NRG1: variants seen among roughly 807,000 people sequenced by gnomAD.
The protein encoded by NRG1 is neuregulin 1.
A neutral mutation model predicts 63.8 loss-of-function variants in NRG1; 18 were observed. The observed-to-expected ratio is 0.28, with a 90% CI of 0.19 to 0.42. NRG1 has a LOEUF of 0.42. Ranked by LOEUF, NRG1 falls within the 10% of genes least tolerant of loss-of-function variation. NRG1 has a pLI of 1.00. For synonymous variants in NRG1, 302 were observed against 301.3 expected (o/e 1.00, Z -0.02); for missense variants, 762 against 814.7 (o/e 0.94, Z 0.79).
chr8:31,738,806 C>T (rs1480229417), intron 1 of NRG1, among the ~76,000 whole-genome samples: 7 of 151,950 alleles, frequency 4.6e-5, no homozygotes, highest in Non-Finnish European at 4.4e-5. Context: ...ATGGTGTCTC[C>T]CTGTATGTCT....
chr8:32,307,071 G>T (rs146360485), intron 1 of NRG1, among the ~76,000 whole-genome samples: 1 of 152,116 alleles, frequency 6.6e-6, no homozygotes, highest in African/African-American at 2.4e-5. Context: ...ACTTCCCAGC[G>T]CACATTTTTG....
chr8:31,860,526 T>G (rs1222085405), intron 1 of NRG1, among the ~76,000 whole-genome samples: 3 of 152,150 alleles, frequency 2.0e-5, no homozygotes, highest in African/African-American at 7.2e-5. Flanking sequence ...CCCATTATTT[T>G]TTTGCATGAA....
downstream of NRG1, among the ~76,000 whole-genome samples, chr8:32,770,437 C>G (rs1589678707): frequency 6.6e-6 from 1 of 152,118 alleles, no homozygotes; most frequent in South Asian, 2.1e-4. Context: ...GCGTTCTTCC[C>G]CTTTCCCTGC....
intron 1 of NRG1, among the ~76,000 whole-genome samples, chr8:32,101,029 T>C (rs1310724446): frequency 1.7e-4 from 5 of 29,170 alleles, no homozygotes; most frequent in Non-Finnish European, 7.5e-4. Context: ...TATTCCCATA[T>C]TGCTTTTTTT....
intron 1 of NRG1, among the ~76,000 whole-genome samples, chr8:31,850,042 C>T (rs1402007561): frequency 6.6e-6 from 1 of 152,022 alleles, no homozygotes; most frequent in African/African-American, 2.4e-5. Flanking sequence ...CCAAATGTTA[C>T]CCTCATAACA....
chr8:32,466,642 C>G (rs16879439), intron 1 of NRG1, among the ~76,000 whole-genome samples: 1,851 of 152,224 alleles, frequency 0.012, 38 homozygotes, highest in African/African-American at 0.042. Flanking sequence ...AGTTATTAGT[C>G]CTCATATCAG....
At chr8:31,954,795 C>T (rs1226146466) in intron 1 of NRG1, among the ~76,000 whole-genome samples, 10 of 152,098 alleles carry the variant, frequency 6.6e-5, no homozygotes, top group Non-Finnish European at 1.2e-4. Context: ...GACAAGATAG[C>T]GATTTCCCCT....
At chr8:31,648,295 G>A (rs908008530) in intron 1 of NRG1, among the ~76,000 whole-genome samples, 9 of 151,518 alleles carry the variant, frequency 5.9e-5, no homozygotes, top group Non-Finnish European at 1.2e-4. Context: ...CACCATGCCC[G>A]GCTAATTTTT....
rs114636961 is a variant in NRG1, at chr8:32,095,254, A to G, written c.37+455823A>G. 4.5e-3 allele frequency among the ~76,000 whole-genome samples: 690 copies of G among 152,256 alleles called. 12 individuals carry two copies. The highest frequency in any genetic ancestry group is 0.016 in the African/African-American group (655 of 41,554). ...GTCAGTTATGGGTTCATTGTTTTCA[A>G]TATAAGATAACATGAGCAGAGACTG... On this transcript the variant is annotated intron_variant, in intron 1 of 10. Coordinates refer to the NRG1 transcript ENST00000519301.
chr8:32,316,142 G>A (rs1780686350), intron 1 of NRG1, among the ~76,000 whole-genome samples: 2 of 151,912 alleles, frequency 1.3e-5, no homozygotes, highest in African/African-American at 4.8e-5. Context: ...CAACATTCAT[G>A]TATCTAGAAA....
chr8:32,418,133 T>G (rs962940398), intron 1 of NRG1, among the ~76,000 whole-genome samples: 14 of 152,120 alleles, frequency 9.2e-5, no homozygotes, highest in Non-Finnish European at 2.9e-5. Flanking sequence ...CGATATTTAC[T>G]TATAATTCTC....
Position 32,638,992 on chromosome 8 carries a change from C to T in NRG1, c.502+22107C>T, listed in dbSNP as rs188327279. Among the ~76,000 whole-genome samples, 1,176 of 150,992 alleles carry T rather than the reference C, an allele frequency of 7.8e-3. 6 individuals are homozygous for T. The highest frequency in any genetic ancestry group is 0.024 in the Middle Eastern group (7 of 294). On this transcript the variant is annotated intron_variant, in intron 5 of 11. Transcript: ENST00000356819. ...TTTTATTTCTTCTTTTTTTTTTGTT[C>T]CCTTTGGTGCAACTTTGTATTTTCA...
intron 1 of NRG1, among the ~76,000 whole-genome samples, chr8:31,778,831 A>C (rs144785393): frequency 1.3e-5 from 2 of 152,354 alleles, no homozygotes; most frequent in East Asian, 3.9e-4. Flanking sequence ...AAAACAGTGC[A>C]TGTGCAGGAG....
intron 1 of NRG1, among the ~76,000 whole-genome samples, chr8:32,215,730 C>T (rs1845152461): frequency 6.6e-6 from 1 of 152,114 alleles, no homozygotes; most frequent in Non-Finnish European, 1.5e-5. Flanking sequence ...ATAACCATTT[C>T]CTGGAAGCAC....
chr8:31,916,447 A>G (rs1324513133), intron 1 of NRG1, among the ~76,000 whole-genome samples: 3 of 152,090 alleles, frequency 2.0e-5, no homozygotes, highest in Admixed American at 1.3e-4. Context: ...GAGTGAGAAT[A>G]TGCGGTGTTT....
intron 1 of NRG1, among the ~76,000 whole-genome samples, chr8:31,952,554 T>A (rs557646069): frequency 4.7e-5 from 7 of 150,444 alleles, no homozygotes; most frequent in East Asian, 1.9e-4. Flanking sequence ...TTTAAATAAT[T>A]TTTTTTTCTC....
intron 1 of NRG1, among the ~76,000 whole-genome samples, chr8:32,209,712 C>CCCTTCATT (rs1844463800): frequency 7.6e-6 from 1 of 131,896 alleles, no homozygotes; most frequent in Non-Finnish European, 1.6e-5. Context: ...TTCTCTCTTT[C>CCCTTCATT]CCTTCCTTCC....
At chr8:32,218,177 T>C (rs1294320294) in intron 1 of NRG1, among the ~76,000 whole-genome samples, 1 of 152,198 alleles carries the variant, frequency 6.6e-6, no homozygotes, top group Admixed American at 6.5e-5. Flanking sequence ...CCTAACTCTG[T>C]CTCTGTGCAT....
At chr8:31,763,945 G>A (rs1817802060) in intron 1 of NRG1, among the ~76,000 whole-genome samples, 1 of 145,922 alleles carries the variant, frequency 6.9e-6, no homozygotes. Context: ...GCAAGAGCTT[G>A]CAGTGAGCCA....
Sources: gnomAD v4.1 joint callset for allele counts (sites outside exome capture counted in the v4.1 genomes callset) on GRCh38, gnomAD v4.1.1 for gene constraint, MANE v1.5 for transcripts, NCBI Gene and HGNC (gene_info 2026-07-23, HGNC 2026-07-21) for gene names.